Variants in ECPAS observed in about 807,000 individuals in gnomAD.
ECPAS encodes proteasome adapter and scaffold protein ECM29.
ECPAS carries 70 observed loss-of-function variants against 255.1 expected under a neutral mutation model. That is an observed-to-expected ratio of 0.27 (90% CI 0.23 to 0.33). The LOEUF (loss-of-function observed/expected upper bound fraction) is 0.33, where lower values mean the gene tolerates loss of function less well. ECPAS is among the 10% of genes least tolerant of loss of function. The pLI is 1.00. For synonymous variants in ECPAS, 784 were observed against 775.0 expected (o/e 1.01, Z -0.19); for missense variants, 1,817 against 2,206.4 (o/e 0.82, Z 3.54).
chr9:111,401,026 A>G (rs1289709349), intron 24 of ECPAS, among the ~76,000 whole-genome samples: 1 of 152,222 alleles, frequency 6.6e-6, no homozygotes, highest in Non-Finnish European at 1.5e-5. Context: ...AGAGAAAAGA[A>G]GCAAGTAAGA....
At chr9:111,413,724 A>G (rs2098198538) in intron 20 of ECPAS, among the ~76,000 whole-genome samples, 171 bp downstream of exon 20, 1 of 152,148 alleles carries the variant, frequency 6.6e-6, no homozygotes, top group Admixed American at 6.5e-5. Context: ...AGATGTGTCA[A>G]TGAGACATAG....
At chr9:111,404,834 A>AC (rs60547159) in intron 24 of ECPAS, among the ~76,000 whole-genome samples, 2 of 148,044 alleles carry the variant, frequency 1.4e-5, no homozygotes, top group Admixed American at 6.6e-5. Context: ...AAAAAAAAAA[A>AC]CCTAGGGATA....
intron 2 of ECPAS, among the ~76,000 whole-genome samples, chr9:111,457,105 A>G (rs2098267875): frequency 2.0e-5 from 3 of 152,232 alleles, no homozygotes. Flanking sequence ...CAAGATAAGA[A>G]TTGAAAAGAA....
At chr9:111,442,452 G>C in intron 4 of ECPAS, 28 bp from the exon 5 acceptor site, 4 of 1,266,252 alleles carry the variant, frequency 3.2e-6, no homozygotes, top group Non-Finnish European at 4.5e-6. Context: ...AAGCAAGTGA[G>C]TGTGAAGGAA....
Position 111,363,591 on chromosome 9 carries a change from C to T in ECPAS, c.5377G>A (p.Glu1793Lys), listed in dbSNP as rs1269459829. ...SVIELLLKKL[E>K]ESKQWECLTS... ...GTCAGAACTAACAACAACTTACCTT[C>T]AAGTTTTTTAAGCAGCAATTCTATC... The change falls in exon 49 of 50, where the codon GAA becomes AAA. Residue 1793 changes from glutamate to lysine, a missense_variant. This residue lies in a region of ECPAS where 960 missense variants were observed against 1,179.0 expected (regional missense o/e 0.81). Transcript: ENST00000684092. 3 of 1,565,724 alleles carry T rather than the reference C, an allele frequency of 1.9e-6. No individual in the cohort carries two copies. The highest frequency in any genetic ancestry group is 2.6e-6 in the Non-Finnish European group (3 of 1,143,752).
intron 5 of ECPAS, among the ~76,000 whole-genome samples, chr9:111,441,475 A>G (rs986159933): frequency 1.3e-5 from 2 of 152,134 alleles, no homozygotes; most frequent in African/African-American, 4.8e-5. Flanking sequence ...ATTGCACTCC[A>G]GCCTCGGCAA....
intron 1 of ECPAS, chr9:111,483,599 G>A (rs1321592628): frequency 7.1e-6 from 3 of 424,946 alleles, no homozygotes; most frequent in East Asian, 1.6e-4. Flanking sequence ...CGGCCGGGGG[G>A]CTCGCGGCTC....
chr9:111,397,193 A>G (rs758457445), intron 24 of ECPAS, 40 bp from the exon 25 acceptor site: 1 of 1,606,028 alleles, frequency 6.2e-7, no homozygotes, highest in South Asian at 1.1e-5. Flanking sequence ...GAGAAAACAC[A>G]TTTCCCAAAA....
chr9:111,411,802 A>G, intron 21 of ECPAS: 1 of 454,014 alleles, frequency 2.2e-6, no homozygotes, highest in Non-Finnish European at 3.8e-6. Flanking sequence ...TACTCCTAGC[A>G]CCTAAAACAG....
intron 2 of ECPAS, among the ~76,000 whole-genome samples, chr9:111,456,799 T>C (rs2098267491): frequency 6.6e-6 from 1 of 152,164 alleles, no homozygotes; most frequent in Non-Finnish European, 1.5e-5. Context: ...ACTGAAACTC[T>C]ACCATGCGTA....
chr9:111,422,324 T>G (rs1374720403), intron 13 of ECPAS, 124 bp from the exon 14 acceptor site: 2 of 927,278 alleles, frequency 2.2e-6, no homozygotes, highest in Admixed American at 2.7e-5. Context: ...CATTACCCGC[T>G]CTGAGAGCCA....
chr9:111,468,916 T>C (rs1331832321), intron 2 of ECPAS, among the ~76,000 whole-genome samples: 1 of 152,172 alleles, frequency 6.6e-6, no homozygotes, highest in Non-Finnish European at 1.5e-5. Flanking sequence ...ATTTTGTGTG[T>C]AATACTAGTA....
intron 16 of ECPAS, among the ~76,000 whole-genome samples, chr9:111,419,450 T>C (rs1373242102): frequency 1.3e-5 from 2 of 152,190 alleles, no homozygotes; most frequent in African/African-American, 2.4e-5. Context: ...TATTTCATTA[T>C]ATGTACATGA....
intron 24 of ECPAS, among the ~76,000 whole-genome samples, chr9:111,398,214 G>A (rs2098170452): frequency 6.6e-6 from 1 of 152,088 alleles, no homozygotes; most frequent in South Asian, 2.1e-4. Flanking sequence ...CCTAGTCTGA[G>A]GAAAAAAGAT....
chr9:111,436,029 G>T (rs930670516), intron 7 of ECPAS, among the ~76,000 whole-genome samples: 24 of 147,906 alleles, frequency 1.6e-4, no homozygotes, highest in African/African-American at 5.7e-4. Context: ...AATAGTTTAA[G>T]GAGGAAAAAA....
chr9:111,471,979 T>C (rs772175402), intron 2 of ECPAS, among the ~76,000 whole-genome samples: 2 of 151,898 alleles, frequency 1.3e-5, no homozygotes, highest in East Asian at 1.9e-4. Context: ...CACACAACTA[T>C]GATCCCAGCT....
At chr9:111,390,189 C>T (rs1385921242) in intron 29 of ECPAS, 88 bp from the exon 30 acceptor site, 6 of 694,176 alleles carry the variant, frequency 8.6e-6, no homozygotes, top group Non-Finnish European at 1.4e-5. Context: ...CTAGGACATA[C>T]TAAAATCAAA....
intron 24 of ECPAS, among the ~76,000 whole-genome samples, chr9:111,397,585 T>A (rs73656243): frequency 2.0e-5 from 3 of 152,156 alleles, no homozygotes; most frequent in African/African-American, 7.2e-5. Flanking sequence ...AATATCGTCA[T>A]CCACAGCATT....
intron 49 of ECPAS, among the ~76,000 whole-genome samples, chr9:111,362,409 CCTT>C (rs1355788465): frequency 6.6e-6 from 1 of 152,024 alleles, no homozygotes; most frequent in East Asian, 1.9e-4. Flanking sequence ...AGTTTCCTCT[CCTT>C]CCCCCAGTAT....
Sources: gnomAD v4.1 joint callset for allele counts (sites outside exome capture counted in the v4.1 genomes callset) on GRCh38, gnomAD v4.1.1 for gene constraint, gnomAD v4.1.1 regional missense constraint, MANE v1.5 for transcripts, NCBI Gene and HGNC (gene_info 2026-07-23, HGNC 2026-07-21) for gene names.